The following NCAM2 variants were observed in gnomAD, a reference collection of about 807,000 sequenced individuals.
The protein encoded by NCAM2 is neural cell adhesion molecule 2.
Under a neutral mutation model 98.1 loss-of-function variants are expected in NCAM2, and 30 were observed. The ratio of observed to expected loss-of-function variants is 0.31; its 90% CI spans 0.23 to 0.41. NCAM2 has a LOEUF of 0.41. Among genes scored for constraint, NCAM2 ranks in the 10% least tolerant of loss-of-function variants. NCAM2 has a pLI of 1.00. For missense variants in NCAM2, 867 were observed against 1,005.8 expected, an observed-to-expected ratio of 0.86 and a Z score of 1.87; for synonymous variants, 368 against 342.4, an observed-to-expected ratio of 1.07 and a Z score of -0.83.
intron 16 of NCAM2, among the ~76,000 whole-genome samples, chr21:21,518,989 G>T (rs1988864623): frequency 6.6e-6 from 1 of 152,078 alleles, no homozygotes; most frequent in African/African-American, 2.4e-5. Context: ...GGGTAATAAG[G>T]AGCTGGTAAT....
chr21:21,349,458 G>A (rs1266276442), intron 8 of NCAM2, among the ~76,000 whole-genome samples: 1 of 152,112 alleles, frequency 6.6e-6, no homozygotes, highest in Non-Finnish European at 1.5e-5. Flanking sequence ...ATAGAAAAGG[G>A]AACCTTTGTA....
intron 1 of NCAM2, among the ~76,000 whole-genome samples, chr21:21,002,578 C>A (rs1213495400): frequency 6.6e-6 from 1 of 152,134 alleles, no homozygotes; most frequent in Non-Finnish European, 1.5e-5. Flanking sequence ...GACTCTGGAA[C>A]TGGTCCTCCT....
chr21:21,052,581 A>T (rs148683411), intron 1 of NCAM2, among the ~76,000 whole-genome samples: 1 of 152,136 alleles, frequency 6.6e-6, no homozygotes, highest in African/African-American at 2.4e-5. Flanking sequence ...ACAATACTGA[A>T]CATTCAAAAT....
intron 16 of NCAM2, among the ~76,000 whole-genome samples, chr21:21,513,240 G>A (rs745934787): frequency 1.7e-4 from 26 of 151,842 alleles, no homozygotes; most frequent in Non-Finnish European, 3.4e-4. Flanking sequence ...ACTAATTTTG[G>A]GTTGGGTTAG....
rs1429993950 is a variant in NCAM2 at position 21,388,525 on chromosome 21, T to C, written c.1195+14512T>C. On this transcript the variant is annotated intron_variant, in intron 9 of 17. Transcript: ENST00000400546. ...CAGAGAGGAGGGGAAGATGAGGCCA[T>C]GAAGTTAACAAGCTGCCAGATGTTA... Among the ~76,000 whole-genome samples the C allele has an allele frequency of 2.6e-5, 4 of 152,118 alleles. No homozygotes were observed. In the East Asian group the frequency reaches 5.8e-4, roughly 22 times the overall value.
At chr21:21,452,091 T>G (rs1981170822) in intron 12 of NCAM2, among the ~76,000 whole-genome samples, 1 of 151,028 alleles carries the variant, frequency 6.6e-6, no homozygotes. Flanking sequence ...GGATATAGTT[T>G]ATTAGTGACT....
At chr21:21,044,551 C>T (rs2064971033) in intron 1 of NCAM2, among the ~76,000 whole-genome samples, 1 of 151,882 alleles carries the variant, frequency 6.6e-6, no homozygotes, top group South Asian at 2.1e-4. Context: ...AGTCTTTCTG[C>T]CCAGACAATT....
intron 16 of NCAM2, among the ~76,000 whole-genome samples, chr21:21,532,638 A>G (rs1194159009): frequency 6.6e-6 from 1 of 152,192 alleles, no homozygotes; most frequent in African/African-American, 2.4e-5. Context: ...AATTGTTAAT[A>G]TAAGAAAATG....
At chr21:21,289,120 G>C (rs2073202513) in intron 4 of NCAM2, among the ~76,000 whole-genome samples, 1 of 151,542 alleles carries the variant, frequency 6.6e-6, no homozygotes, top group South Asian at 2.1e-4. Context: ...TAAATGCTTT[G>C]GCCAACACCT....
rs117801702 is a variant in NCAM2 at position 21,491,405 on chromosome 21, T to C, written c.2077+13934T>C. Among the ~76,000 whole-genome samples, 71 of 151,924 alleles carry C rather than the reference T, an allele frequency of 4.7e-4. 1 individual carries two copies. The East Asian group carries it at 0.013, about 29-fold the overall frequency. ...TAAAGTGATTTTTCTCCAGTTCCTT[T>C]GGTCATTTCTTTTGTTTTGGGCACC... On this transcript the variant is annotated intron_variant, in intron 15 of 17. Transcript: ENST00000400546.
rs186092576 is a variant in NCAM2 at position 21,160,651 on chromosome 21, A to G, written c.56-119927A>G. On this transcript the variant is annotated intron_variant, in intron 1 of 17. Transcript: ENST00000400546. Reference sequence around the variant, plus strand: ...ATCATTTCTTTATTTCTTACTATTTACATTTGGAAACTTAAATTCTATGCT... The same window carrying G: ...ATCATTTCTTTATTTCTTACTATTTGCATTTGGAAACTTAAATTCTATGCT... Among the ~76,000 whole-genome samples, 423 of 152,136 alleles carry G rather than the reference A, an allele frequency of 2.8e-3. 2 individuals carry two copies. The highest frequency in any genetic ancestry group is 9.6e-3 in the African/African-American group (399 of 41,570).
intron 1 of NCAM2, among the ~76,000 whole-genome samples, chr21:20,999,329 A>C (rs1394762874): frequency 6.6e-6 from 1 of 151,468 alleles, no homozygotes; most frequent in Admixed American, 6.6e-5. Flanking sequence ...GTTGTGGGAG[A>C]ACTGGTGGAA....
At chr21:21,400,492 TTAAGA>T (rs990470740) in intron 9 of NCAM2, among the ~76,000 whole-genome samples, 14 of 152,186 alleles carry the variant, frequency 9.2e-5, no homozygotes, top group African/African-American at 3.4e-4. Context: ...TTTTGGAGTC[TTAAGA>T]TAATACATTT....
At chr21:21,214,025 C>T (rs1362101914) in intron 1 of NCAM2, among the ~76,000 whole-genome samples, 2 of 152,122 alleles carry the variant, frequency 1.3e-5, no homozygotes, top group Non-Finnish European at 2.9e-5. Context: ...TACCTGAACA[C>T]CAACTTCTAC....
intron 1 of NCAM2, among the ~76,000 whole-genome samples, chr21:21,094,579 T>C (rs1284456289): frequency 6.6e-6 from 1 of 151,840 alleles, no homozygotes; most frequent in Non-Finnish European, 1.5e-5. Context: ...TTCAATAAAT[T>C]GAAATTTTAC....
At chr21:21,459,070 A>G (rs1982577768) in intron 12 of NCAM2, among the ~76,000 whole-genome samples, 1 of 152,170 alleles carries the variant, frequency 6.6e-6, no homozygotes, top group South Asian at 2.1e-4. Context: ...AAGGAGACAT[A>G]CACATGGCCA....
intron 9 of NCAM2, among the ~76,000 whole-genome samples, chr21:21,403,872 A>G (rs146273400): frequency 4.9e-4 from 74 of 152,310 alleles, no homozygotes; most frequent in African/African-American, 1.7e-3. Context: ...TTATTGTAGC[A>G]TTGAAATATG....
intron 1 of NCAM2, among the ~76,000 whole-genome samples, chr21:21,205,609 T>C (rs1005497742): frequency 6.6e-6 from 1 of 152,190 alleles, no homozygotes; most frequent in African/African-American, 2.4e-5. Context: ...AGTTGACTAT[T>C]TAGAAGAAAT....
At chr21:21,526,367 T>A (rs1326409195) in intron 16 of NCAM2, among the ~76,000 whole-genome samples, 4 of 152,040 alleles carry the variant, frequency 2.6e-5, no homozygotes, top group African/African-American at 9.7e-5. Flanking sequence ...TGAAACAAAA[T>A]TATTATTTTA....
Sources: allele counts gnomAD v4.1 joint callset (sites outside exome capture counted in the v4.1 genomes callset), GRCh38; gene constraint gnomAD v4.1.1; transcripts MANE v1.5; gene names NCBI Gene and HGNC (gene_info 2026-07-23, HGNC 2026-07-21).